The following NECAB2 variants were observed in gnomAD, a reference collection of about 807,000 sequenced individuals.
The protein encoded by NECAB2 is N-terminal EF-hand calcium-binding protein 2.
A neutral mutation model predicts 51.9 loss-of-function variants in NECAB2; 68 were observed. That is an observed-to-expected ratio of 1.31 (90% confidence interval 1.08 to 1.60). The LOEUF is 1.60. NECAB2 is among the 40% of genes most tolerant of loss of function. The pLI is 0.00. For synonymous variants in NECAB2, 329 were observed against 203.5 expected (o/e 1.62, Z -5.25); for missense variants, 854 against 490.3 (o/e 1.74, Z -7.00).
intron 2 of NECAB2, among the ~76,000 whole-genome samples, chr16:83,975,568 G>A (rs1000164617): frequency 6.6e-6 from 1 of 152,148 alleles, no homozygotes; most frequent in African/African-American, 2.4e-5. Flanking sequence ...GCTCAGGGCT[G>A]CCCTGTCAGG....
rs202052219 is a variant in NECAB2 at position 84,001,930 on chromosome 16, G to C, written c.1132+14G>C. ...TCTTGGTGCCAGGTAGGGGGCAAAG[G>C]CCTGGAACTGCAGTGGCCACCTGAC... On this transcript the variant is annotated intron_variant, in intron 12 of 12. Transcript: ENST00000305202. The C allele has an allele frequency of 1.7e-5, 27 of 1,612,426 alleles. No individual in the cohort carries two copies. In the East Asian group the frequency reaches 6.0e-4, roughly 36 times the overall value.
At position 83,998,385 on chromosome 16, in the gene NECAB2, G is replaced by GC. The variant is rs537888580; in HGVS notation, c.962+69dup. 4,886 of 1,458,338 alleles carry GC rather than the reference G, an allele frequency of 3.4e-3. 68 individuals are homozygous for GC. The highest frequency in any genetic ancestry group is 1.8e-3 in the Non-Finnish European group (1,926 of 1,056,232). The allele number at this position is 1,458,338 out of a possible 1,614,324, so 90.3% of individuals were successfully genotyped here. A position where few individuals can be genotyped will look rare whatever the true frequency, so the allele number is the denominator to read the frequency against. ...CTCTGCCTGGCAGTGGAGGAACAGG[G>GC]CAGGACTAGGCTTTGCCCTAAGTAG... On this transcript the variant is annotated intron_variant, in intron 10 of 12. Transcript: ENST00000305202.
intron 5 of NECAB2, among the ~76,000 whole-genome samples, chr16:83,983,211 C>T (rs1050855215): frequency 2.0e-5 from 3 of 152,184 alleles, no homozygotes; most frequent in South Asian, 4.1e-4. Flanking sequence ...TGTAGAAATG[C>T]AGCTTGTCGG....
At chr16:83,972,008 G>A (rs977053974) in intron 1 of NECAB2, 143 bp from the exon 2 acceptor site, 3 of 1,090,050 alleles carry the variant, frequency 2.8e-6, no homozygotes, top group South Asian at 1.4e-5. Flanking sequence ...AGCCCGGGGA[G>A]GGGGAGAGGG....
At chr16:83,995,758 C>G (rs969920366) in intron 8 of NECAB2, among the ~76,000 whole-genome samples, 2 of 152,178 alleles carry the variant, frequency 1.3e-5, no homozygotes, top group Non-Finnish European at 2.9e-5. Flanking sequence ...GAGACAGAGG[C>G]TGACGTGGAA....
intron 10 of NECAB2, among the ~76,000 whole-genome samples, chr16:84,000,509 CTATTTAA>C (rs1169446578): frequency 6.6e-6 from 1 of 152,186 alleles, no homozygotes; most frequent in African/African-American, 2.4e-5. Flanking sequence ...TGCATTGATT[CTATTTAA>C]TAAATAGCTG....
chr16:83,998,483 C>G (rs74679089), intron 10 of NECAB2, among the ~76,000 whole-genome samples, 166 bp downstream of exon 10: 1 of 152,150 alleles, frequency 6.6e-6, no homozygotes, highest in Admixed American at 6.5e-5. Flanking sequence ...TGAGGTTCCT[C>G]CCAGCCAAGC....
chr16:83,997,663 G>GGTTCAAGCAATTCTCC (rs2084733127), intron 9 of NECAB2, among the ~76,000 whole-genome samples: 1 of 151,238 alleles, frequency 6.6e-6, no homozygotes, highest in African/African-American at 2.4e-5. Context: ...AATTTTTTTG[G>GGTTCAAGCAATTCTCC]TATTTTTAGT....
intron 11 of NECAB2, among the ~76,000 whole-genome samples, chr16:84,001,441 A>G (rs4997521): frequency 0.23 from 34,622 of 151,948 alleles, 8,172 homozygotes; most frequent in African/African-American, 0.61. Flanking sequence ...GAGAAGTGAG[A>G]GTGTCCCCTC....
intron 11 of NECAB2, 144 bp from the exon 12 acceptor site, chr16:84,001,681 C>A (rs2084839201): frequency 3.0e-6 from 2 of 668,778 alleles, no homozygotes; most frequent in Non-Finnish European, 2.2e-6. Flanking sequence ...ACCCCCTCAC[C>A]TTCCCACAAA....
intron 2 of NECAB2, among the ~76,000 whole-genome samples, chr16:83,972,456 C>T (rs533830552): frequency 6.6e-6 from 1 of 152,330 alleles, no homozygotes; most frequent in South Asian, 2.1e-4. Context: ...GTGGTAAGGG[C>T]TGGGTGTACT....
Position 83,989,269 on chromosome 16 carries a change from GT to G in NECAB2, c.460-1221del, listed in dbSNP as rs1301139179. ...TGCCAAGCTGTAAGAACCTGACATA[GT>G]TTTGGCCATGTACTCTGTCAGGGTC... On this transcript the variant is annotated intron_variant, in intron 5 of 12. Coordinates refer to ENST00000305202, the MANE Select transcript of NECAB2 (RefSeq NM_019065.3). Among the ~76,000 whole-genome samples the G allele has an allele frequency of 7.2e-5, 11 of 152,272 alleles. No individual in the cohort carries two copies. In the East Asian group the frequency reaches 2.1e-3, roughly 29 times the overall value.
At chr16:83,987,137 T>C (rs1259186929) in intron 5 of NECAB2, among the ~76,000 whole-genome samples, 4 of 152,168 alleles carry the variant, frequency 2.6e-5, no homozygotes, top group Admixed American at 2.0e-4. Context: ...CAAAACAAAG[T>C]AGCTCCTGAA....
At chr16:83,973,770 G>A (rs1397809686) in intron 2 of NECAB2, among the ~76,000 whole-genome samples, 1 of 152,088 alleles carries the variant, frequency 6.6e-6, no homozygotes, top group Non-Finnish European at 1.5e-5. Flanking sequence ...CTTGGTGGAC[G>A]TGTTTGTTGG....
chr16:83,986,503 C>T lies in NECAB2; in HGVS notation c.460-3991C>T, dbSNP rs113195785. Among the ~76,000 whole-genome samples, 304 of 152,208 alleles carry T rather than the reference C, an allele frequency of 2.0e-3. 2 individuals carry two copies. The highest frequency in any genetic ancestry group is 7.0e-3 in the African/African-American group (291 of 41,502). On this transcript the variant is annotated intron_variant, in intron 5 of 12. Coordinates refer to ENST00000305202, the MANE Select transcript of NECAB2 (RefSeq NM_019065.3). ...TGCCCTGTGGAGAGTGCCAGACAAA[C>T]TTCCTGTGCATTTCTGTATAAGAGA...
chr16:83,998,782 C>G (rs1181800401), intron 10 of NECAB2, among the ~76,000 whole-genome samples: 1 of 142,438 alleles, frequency 7.0e-6, no homozygotes, highest in Non-Finnish European at 1.5e-5. Flanking sequence ...GGGAAATGCC[C>G]AAGTCATGTA....
intron 5 of NECAB2, among the ~76,000 whole-genome samples, chr16:83,987,694 G>C (rs1268333144): frequency 6.6e-6 from 1 of 151,876 alleles, no homozygotes; most frequent in African/African-American, 2.4e-5. Context: ...CTTTTGTTAG[G>C]TATATTAGAT....
At chr16:83,984,110 T>C (rs749164533) in intron 5 of NECAB2, among the ~76,000 whole-genome samples, 14 of 150,782 alleles carry the variant, frequency 9.3e-5, no homozygotes, top group Non-Finnish European at 1.9e-4. Flanking sequence ...ATTCTCCTGC[T>C]TCAGCCTCCC....
chr16:83,999,138 C>T (rs965807175), intron 10 of NECAB2, among the ~76,000 whole-genome samples: 4 of 152,208 alleles, frequency 2.6e-5, no homozygotes, highest in Admixed American at 6.5e-5. Flanking sequence ...CTTGGGCCCC[C>T]TGTGCACTGA....
Sources: gnomAD v4.1 joint callset for allele counts (sites outside exome capture counted in the v4.1 genomes callset) on GRCh38, gnomAD v4.1.1 for gene constraint, MANE v1.5 for transcripts, NCBI Gene and HGNC (gene_info 2026-07-23, HGNC 2026-07-21) for gene names.